The following PPP1R9A variants were observed in gnomAD, a reference collection of about 807,000 sequenced individuals.
The protein encoded by PPP1R9A is neurabin-1.
A neutral mutation model predicts 141.9 loss-of-function variants in PPP1R9A; 59 were observed. The ratio of observed to expected loss-of-function variants is 0.42; its 90% CI spans 0.34 to 0.52. The LOEUF (loss-of-function observed/expected upper bound fraction) is 0.52, where lower values mean the gene tolerates loss of function less well. PPP1R9A is among the 20% of genes least tolerant of loss of function. The probability of loss-of-function intolerance (pLI) is 0.10; values close to 1 mark genes in which losing one functional copy is unlikely to be tolerated. For missense variants in PPP1R9A, 1,444 were observed against 1,611.9 expected, an observed-to-expected ratio of 0.90 and a Z score of 1.78; for synonymous variants, 500 against 569.7, an observed-to-expected ratio of 0.88 and a Z score of 1.74.
intron 2 of PPP1R9A, among the ~76,000 whole-genome samples, chr7:94,917,025 A>G (rs1792158577): frequency 6.6e-6 from 1 of 152,164 alleles, no homozygotes; most frequent in Admixed American, 6.5e-5. Flanking sequence ...CATGTTGGCC[A>G]GGCTAGTCTC....
chr7:95,257,765 T>C (rs2153022910), intron 12 of PPP1R9A, among the ~76,000 whole-genome samples: 1 of 151,610 alleles, frequency 6.6e-6, no homozygotes, highest in African/African-American at 2.4e-5. Flanking sequence ...GAACATGCGG[T>C]GTTTGGTTTT....
chr7:94,960,993 C>T (rs1797577825), intron 2 of PPP1R9A, among the ~76,000 whole-genome samples: 1 of 151,544 alleles, frequency 6.6e-6, no homozygotes, highest in Non-Finnish European at 1.5e-5. Flanking sequence ...GATACATGTT[C>T]TATAGAGCTG....
intron 2 of PPP1R9A, among the ~76,000 whole-genome samples, chr7:94,985,298 T>C (rs974002172): frequency 1.3e-5 from 2 of 152,190 alleles, no homozygotes; most frequent in South Asian, 2.1e-4. Flanking sequence ...ATGTATATTT[T>C]GTTGATTTGG....
chr7:95,157,609 G>A (rs115864202), intron 4 of PPP1R9A, among the ~76,000 whole-genome samples: 207 of 152,324 alleles, frequency 1.4e-3, no homozygotes, highest in African/African-American at 4.9e-3. Flanking sequence ...GCAGCGGCAG[G>A]CCGTCTGGAG....
At chr7:95,282,414 G>A (rs548066077) in intron 16 of PPP1R9A, among the ~76,000 whole-genome samples, 1 of 152,148 alleles carries the variant, frequency 6.6e-6, no homozygotes, top group African/African-American at 2.4e-5. Context: ...AGGTAATGTG[G>A]TTACATTTTA....
intron 8 of PPP1R9A, among the ~76,000 whole-genome samples, chr7:95,241,135 A>T (rs1208588474): frequency 5.3e-5 from 8 of 152,146 alleles, no homozygotes; most frequent in African/African-American, 1.9e-4. Context: ...AGTTAAAGAG[A>T]TAAAAAAGGT....
At chr7:94,939,850 G>A (rs922049166) in intron 2 of PPP1R9A, among the ~76,000 whole-genome samples, 36 of 136,084 alleles carry the variant, frequency 2.6e-4, no homozygotes, top group South Asian at 9.4e-4. Context: ...ACACACACAC[G>A]TCCCAGGAGA....
At chr7:95,156,820 C>G (rs1829686610) in intron 4 of PPP1R9A, 1 of 152,220 alleles carries the variant, frequency 6.6e-6, no homozygotes, top group South Asian at 2.1e-4. Flanking sequence ...AGAAGAGGCC[C>G]TAGAATGGAT....
At chr7:95,175,792 G>C (rs1053361776) in intron 5 of PPP1R9A, among the ~76,000 whole-genome samples, 2 of 151,934 alleles carry the variant, frequency 1.3e-5, no homozygotes, top group Admixed American at 1.3e-4. Context: ...CTAGCATATG[G>C]GTTTAATAAC....
intron 16 of PPP1R9A, among the ~76,000 whole-genome samples, chr7:95,276,015 T>C (rs1803118342): frequency 6.6e-6 from 1 of 152,202 alleles, no homozygotes; most frequent in African/African-American, 2.4e-5. Context: ...GTGAGAATGA[T>C]CCACTTTGTG....
chr7:95,287,948 G>A lies in PPP1R9A; in HGVS notation c.3730-588G>A, dbSNP rs578074161. ...AGTGATCCACCCACTTCAGCCTCCC[G>A]AAGTGCTGGGATTACAGATGTGAGC... On this transcript the variant is annotated intron_variant, in intron 18 of 19. Transcript: ENST00000433360. Among the ~76,000 whole-genome samples, 13 of 152,176 alleles carry A rather than the reference G, an allele frequency of 8.5e-5. No individual in the cohort carries two copies. In the East Asian group the frequency reaches 9.7e-4, roughly 11 times the overall value.
rs377501476 is a variant in PPP1R9A at position 95,251,943 on chromosome 7, G to C, written c.2494-16G>C. The C allele has an allele frequency of 6.2e-7, 1 of 1,605,630 alleles. No homozygotes were observed. Among genetic ancestry groups the C allele is most frequent in the African/African-American group, 1.3e-5 (1 of 74,190 alleles). ...GCGCTAGTTTAGAGTTTTATAAATG[G>C]ATTTGTTTTTCCTAGATTAGAGATT... On this transcript the variant is annotated splice_polypyrimidine_tract_variant and intron_variant, in intron 11 of 19. Coordinates refer to ENST00000433360, the MANE Select transcript of PPP1R9A (RefSeq NM_001166160.2).
chr7:94,938,622 G>T (rs780347161), intron 2 of PPP1R9A, among the ~76,000 whole-genome samples: 2 of 151,876 alleles, frequency 1.3e-5, no homozygotes, highest in Non-Finnish European at 2.9e-5. Flanking sequence ...TTCTTTGACT[G>T]GTCCTGTTTC....
At chr7:95,214,481 G>C (rs896366262) in intron 7 of PPP1R9A, 9 of 152,238 alleles carry the variant, frequency 5.9e-5, no homozygotes, top group Non-Finnish European at 1.3e-4. Flanking sequence ...GGCTGAGAGA[G>C]AGAGAGCAAG....
chr7:95,138,182 T>G (rs2152559342), intron 4 of PPP1R9A, among the ~76,000 whole-genome samples: 1 of 152,274 alleles, frequency 6.6e-6, no homozygotes, highest in Admixed American at 6.5e-5. Flanking sequence ...TCCGCCCGCC[T>G]TGGTCTCCCA....
At chr7:95,127,558 T>C (rs1289109111) in intron 4 of PPP1R9A, among the ~76,000 whole-genome samples, 2 of 151,972 alleles carry the variant, frequency 1.3e-5, no homozygotes, top group Non-Finnish European at 2.9e-5. Flanking sequence ...ATGTGCACTT[T>C]TGTTAACTGG....
intron 3 of PPP1R9A, among the ~76,000 whole-genome samples, chr7:95,113,374 A>G (rs1458630484): frequency 6.6e-6 from 1 of 152,220 alleles, no homozygotes; most frequent in Non-Finnish European, 1.5e-5. Context: ...TTGTCCTTAA[A>G]AAGAAGATCT....
chr7:95,087,911 G>GAAAAAAAAAAAAAAGA (rs796943272), intron 2 of PPP1R9A, among the ~76,000 whole-genome samples: 1 of 116,572 alleles, frequency 8.6e-6, no homozygotes. Context: ...AAGAGAGAGA[G>GAAAAAAAAAAAAAAGA]AAAAAAAAAA....
intron 2 of PPP1R9A, among the ~76,000 whole-genome samples, chr7:94,926,967 T>C (rs921400490): frequency 1.3e-5 from 2 of 152,202 alleles, no homozygotes; most frequent in African/African-American, 2.4e-5. Context: ...GGATGTTTCC[T>C]CCGTGAATTA....
Sources: allele counts gnomAD v4.1 joint callset (sites outside exome capture counted in the v4.1 genomes callset), GRCh38; gene constraint gnomAD v4.1.1; transcripts MANE v1.5; gene names NCBI Gene and HGNC (gene_info 2026-07-23, HGNC 2026-07-21).